Variants in SLCO3A1 observed in about 807,000 individuals in gnomAD.
SLCO3A1 encodes PGE1 transporter.
A neutral mutation model predicts 63.1 loss-of-function variants in SLCO3A1; 27 were observed. The ratio of observed to expected loss-of-function variants is 0.43; its 90% CI spans 0.32 to 0.59. SLCO3A1 has a LOEUF of 0.59. SLCO3A1 is among the 20% of genes least tolerant of loss of function. SLCO3A1 has a pLI of 0.09. For synonymous variants in SLCO3A1, 473 were observed against 409.9 expected (o/e 1.15, Z -1.86); for missense variants, 773 against 945.8 (o/e 0.82, Z 2.40).
At chr15:91,939,968 A>G (rs1597139912) in intron 2 of SLCO3A1, among the ~76,000 whole-genome samples, 2 of 152,138 alleles carry the variant, frequency 1.3e-5, no homozygotes, top group South Asian at 2.1e-4. Flanking sequence ...TAGCAGTCCA[A>G]CCTTGAACCC....
At chr15:91,864,999 G>A (rs1897132328) in intron 1 of SLCO3A1, among the ~76,000 whole-genome samples, 1 of 152,240 alleles carries the variant, frequency 6.6e-6, no homozygotes, top group East Asian at 1.9e-4. Context: ...GAGTGGGACT[G>A]TCACGGCAGG....
intron 1 of SLCO3A1, chr15:91,889,124 G>A (rs1442903515): frequency 7.9e-7 from 1 of 1,265,340 alleles, no homozygotes; most frequent in South Asian, 1.3e-5. Flanking sequence ...CAGCTAAGTG[G>A]ACGTGGATGG....
chr15:91,956,976 A>T (rs6496881), intron 2 of SLCO3A1, among the ~76,000 whole-genome samples: 2,493 of 18,022 alleles, frequency 0.14, 543 homozygotes, highest in African/African-American at 0.28. Flanking sequence ...ATATATATAT[A>T]GTATATATAA....
At chr15:92,057,829 C>T (rs1343557332) in intron 2 of SLCO3A1, among the ~76,000 whole-genome samples, 6 of 152,170 alleles carry the variant, frequency 3.9e-5, no homozygotes, top group African/African-American at 9.7e-5. Flanking sequence ...TTGCCCTCGG[C>T]GACACCAGGG....
intron 2 of SLCO3A1, among the ~76,000 whole-genome samples, chr15:92,089,453 TGTGATA>T (rs1341337831): frequency 6.6e-6 from 1 of 152,208 alleles, no homozygotes; most frequent in East Asian, 1.9e-4. Flanking sequence ...CCTGATATCA[TGTGATA>T]GATTTGTGTT....
rs887956253 is a variant in SLCO3A1 at position 92,033,509 on chromosome 15, C to T, written c.647-61372C>T. Among the ~76,000 whole-genome samples, 13 of 152,086 alleles carry T rather than the reference C, an allele frequency of 8.5e-5. No homozygotes were observed. Among genetic ancestry groups the T allele is most frequent in the African/African-American group, 7.2e-5 (3 of 41,408 alleles). ...TGCCGAGACGGTGGGCAAAGGAGAACGAGGGAGGAGCAGAGGGTGACTTCC... is the reference window on the plus strand; with the variant it reads ...TGCCGAGACGGTGGGCAAAGGAGAATGAGGGAGGAGCAGAGGGTGACTTCC... On this transcript the variant is annotated intron_variant, in intron 2 of 9. Coordinates refer to ENST00000318445, the MANE Select transcript of SLCO3A1 (RefSeq NM_013272.4). This position sits in a 1 kb window ranked among gnomAD's most constrained non-coding sequence, Gnocchi z 4.5.
chr15:91,997,189 C>T lies in SLCO3A1; in HGVS notation c.646+80731C>T, dbSNP rs184301211. ...AAAATCAATGTACAAAAATCAGTAG[C>T]ATTTCTATACACAAATAACATTCAA... On this transcript the variant is annotated intron_variant, in intron 2 of 9. Transcript: ENST00000318445. 5.2e-3 allele frequency among the ~76,000 whole-genome samples: 790 copies of T among 152,268 alleles called. 6 individuals are homozygous for T. The highest frequency in any genetic ancestry group is 0.018 in the African/African-American group (752 of 41,560).
intron 2 of SLCO3A1, among the ~76,000 whole-genome samples, chr15:91,963,419 G>GGGGT (rs10686584): frequency 1.7e-5 from 2 of 115,544 alleles, no homozygotes. Flanking sequence ...GGGGGGGGGG[G>GGGGT]GCGGCAGCAG....
At chr15:92,138,354 A>C (rs2048085622) in intron 7 of SLCO3A1, among the ~76,000 whole-genome samples, 1 of 92,520 alleles carries the variant, frequency 1.1e-5, no homozygotes, top group Non-Finnish European at 2.0e-5. Context: ...TGGTACCAGT[A>C]CCATGCTGTT....
chr15:91,963,603 G>C (rs1053340833), intron 2 of SLCO3A1, among the ~76,000 whole-genome samples: 3 of 152,140 alleles, frequency 2.0e-5, no homozygotes, highest in Non-Finnish European at 2.9e-5. Flanking sequence ...TCTTGGTTTT[G>C]CTGACTTCAA....
intron 2 of SLCO3A1, among the ~76,000 whole-genome samples, chr15:92,088,290 C>G (rs1277018707): frequency 6.6e-6 from 1 of 152,198 alleles, no homozygotes; most frequent in Non-Finnish European, 1.5e-5. Context: ...GCCTGAGGGG[C>G]TTAGCATCTA....
chr15:91,925,893 C>A (rs1039066084), intron 2 of SLCO3A1, among the ~76,000 whole-genome samples: 1 of 152,212 alleles, frequency 6.6e-6, no homozygotes, highest in African/African-American at 2.4e-5. Context: ...CACTTGAACA[C>A]ATAAATTATC....
At chr15:91,868,323 A>T (rs1233150446) in intron 1 of SLCO3A1, among the ~76,000 whole-genome samples, 4 of 133,924 alleles carry the variant, frequency 3.0e-5, no homozygotes, top group South Asian at 2.4e-4. Context: ...AAGTGCTGGG[A>T]TTACAGGCAT....
At chr15:91,930,306 T>A (rs1326190360) in intron 2 of SLCO3A1, among the ~76,000 whole-genome samples, 1 of 152,222 alleles carries the variant, frequency 6.6e-6, no homozygotes, top group East Asian at 1.9e-4. Context: ...AGTTTCACTG[T>A]GCCCAATCCA....
chr15:91,995,802 A>G (rs1256278273), intron 2 of SLCO3A1, among the ~76,000 whole-genome samples: 1 of 151,942 alleles, frequency 6.6e-6, no homozygotes, highest in African/African-American at 2.4e-5. Context: ...TTCATAAAGT[A>G]TAATATGAAT....
Position 92,146,096 on chromosome 15 carries a change from G to A in SLCO3A1, c.1513-888G>A, listed in dbSNP as rs554803570. On this transcript the variant is annotated intron_variant, in intron 7 of 9. Transcript: ENST00000318445. ...AAGCCAAGCAGTCCTGGAAGGAAAA[G>A]CAATGAATCATTTATGATTGTTTTC... Among the ~76,000 whole-genome samples the A allele has an allele frequency of 3.3e-5, 5 of 152,296 alleles. No homozygotes were observed. In the East Asian group the frequency reaches 9.6e-4, roughly 29 times the overall value.
Position 91,854,358 on chromosome 15 carries a change from G to C in SLCO3A1, c.180+270G>C. The C allele has an allele frequency of 3.6e-6, 4 of 1,102,886 alleles. No individual in the cohort carries two copies. The highest frequency in any genetic ancestry group is 1.7e-5 in the African/African-American group (1 of 59,968). 68.3% of individuals were successfully genotyped at this position (1,102,886 alleles called of 1,614,324 possible). On this transcript the variant is annotated intron_variant, in intron 1 of 9. Transcript: ENST00000318445. The surrounding 1 kb of genome is among the most constrained non-coding windows in gnomAD (Gnocchi z 6.4). ...GGGGTGCCGGGGGAGGAGAGGCGGC[G>C]GGCAGGTGGGCGTGAAACTATTCCT...
chr15:91,885,933 G>A lies in SLCO3A1; in HGVS notation c.181-30060G>A, dbSNP rs1171794600. On this transcript the variant is annotated intron_variant, in intron 1 of 9. Coordinates refer to ENST00000318445, the MANE Select transcript of SLCO3A1 (RefSeq NM_013272.4). This position sits in a 1 kb window ranked among gnomAD's most constrained non-coding sequence, Gnocchi z 4.7. ...GCCCTGGGGTTGAAATATGCTTGATGTGGTCGGGGAGTGGAAAGACCAGTG... is the reference window on the plus strand; with the variant it reads ...GCCCTGGGGTTGAAATATGCTTGATATGGTCGGGGAGTGGAAAGACCAGTG... Among the ~76,000 whole-genome samples, 3 of 152,174 alleles carry A rather than the reference G, an allele frequency of 2.0e-5. No individual in the cohort carries two copies. The highest frequency in any genetic ancestry group is 1.3e-4 in the Admixed American group (2 of 15,278).
chr15:91,871,076 G>A (rs1897269063), intron 1 of SLCO3A1, among the ~76,000 whole-genome samples: 1 of 152,108 alleles, frequency 6.6e-6, no homozygotes, highest in Admixed American at 6.6e-5. Context: ...AGATAACCAT[G>A]CCTTGTGGTT....
Sources: gnomAD v4.1 joint callset for allele counts (sites outside exome capture counted in the v4.1 genomes callset) on GRCh38, gnomAD v4.1.1 for gene constraint, Gnocchi (gnomAD v3.1) non-coding constraint, MANE v1.5 for transcripts, NCBI Gene and HGNC (gene_info 2026-07-23, HGNC 2026-07-21) for gene names.